Variants in ERCC6 observed in about 807,000 individuals in gnomAD.
ERCC6 encodes the protein ERCC excision repair 6, chromatin remodeling factor.
ERCC6 carries 116 observed loss-of-function variants against 158.7 expected under a neutral mutation model. The ratio of observed to expected loss-of-function variants is 0.73; its 90% CI spans 0.63 to 0.85. ERCC6 has a LOEUF of 0.85. Ranked by LOEUF, ERCC6 falls within the 40% of genes least tolerant of loss-of-function variation. The pLI is 0.00. For missense variants in ERCC6, 1,698 were observed against 1,799.4 expected (o/e 0.94, Z 1.02); for synonymous variants, 678 against 659.3 (o/e 1.03, Z -0.43).
chr10:49,503,227 A>T (rs971276990), intron 6 of ERCC6: 4 of 152,168 alleles, frequency 2.6e-5, no homozygotes, highest in African/African-American at 9.7e-5. Flanking sequence ...ACAGCATAGG[A>T]TCCCAAAAGG....
rs2132541878 is a variant in ERCC6 at position 49,474,162 on chromosome 10, A to T, written c.2463T>A (p.Gly821=). The T allele has an allele frequency of 6.2e-7, 1 of 1,614,108 alleles. No individual in the cohort carries two copies. Among genetic ancestry groups the T allele is most frequent in the Non-Finnish European group, 8.5e-7 (1 of 1,180,004 alleles). Residue 821 remains glycine, a synonymous_variant, in exon 13 of 21, where the codon GGT becomes GGA. Coordinates refer to ENST00000355832, the MANE Select transcript of ERCC6 (RefSeq NM_000124.4). ...CTTCTTCTAGTTCATCATCAGGAAGACCTTTGAGATTCTTGGGACCTCCAG... is the reference window on the plus strand; with the variant it reads ...CTTCTTCTAGTTCATCATCAGGAAGTCCTTTGAGATTCTTGGGACCTCCAG... The part of the protein sequence containing the change: ...LFSGGPKNLK[G]LPDDELEEDQ...
the ERCC6 span, among the ~76,000 whole-genome samples, chr10:49,447,756 C>T: frequency 6.6e-6 from 1 of 151,596 alleles, no homozygotes; most frequent in Non-Finnish European, 1.5e-5. Flanking sequence ...CCACCCCAGC[C>T]TCTCACAACC....
chr10:49,525,034 T>A, intron 4 of ERCC6: 1 of 761,884 alleles, frequency 1.3e-6, no homozygotes, highest in Non-Finnish European at 2.0e-6. Flanking sequence ...ATATACTCTC[T>A]GCCATCCAAA....
chr10:49,444,484 A>G, the ERCC6 span, among the ~76,000 whole-genome samples: 1 of 152,220 alleles, frequency 6.6e-6, no homozygotes, highest in African/African-American at 2.4e-5. Flanking sequence ...TATATCCTAT[A>G]TTTTAGGAGA....
intron 5 of ERCC6, among the ~76,000 whole-genome samples, chr10:49,514,918 T>C (rs946001589): frequency 6.6e-6 from 1 of 152,168 alleles, no homozygotes; most frequent in Non-Finnish European, 1.5e-5. Context: ...TAAACTTAAT[T>C]GGCAAATCTG....
intron 11 of ERCC6, among the ~76,000 whole-genome samples, chr10:49,477,088 C>T (rs1215180710): frequency 1.3e-5 from 2 of 152,164 alleles, no homozygotes; most frequent in Non-Finnish European, 2.9e-5. Context: ...CGCCCAGCAT[C>T]TTCCACAAGC....
In ERCC6 at chr10:49,482,828, T is replaced by C. The variant is rs1291297571; in HGVS notation, c.2028A>G (p.Ser676=). ...GCTCTCGGAGGTTATTTTGCATCGG[T>C]GAGCCAGACAGAATGATCCGATGAG... ...RTPHRIILSG[S]PMQNNLRELW... is the part of the protein sequence containing the mutation. Residue 676 remains serine (S), a synonymous_variant, in exon 10 of 21, where the codon TCA becomes TCG. Transcript: ENST00000355832. 1 of 1,614,096 alleles carries C rather than the reference T, an allele frequency of 6.2e-7. No homozygotes were observed. Among genetic ancestry groups the C allele is most frequent in the Non-Finnish European group, 8.5e-7 (1 of 1,180,012 alleles).
chr10:49,477,155 A>C (rs1173957001), intron 11 of ERCC6, among the ~76,000 whole-genome samples: 1 of 152,096 alleles, frequency 6.6e-6, no homozygotes, highest in African/African-American at 2.4e-5. Flanking sequence ...CTCTGTCTCA[A>C]CTTCTACTTA....
chr10:49,532,375 G>C (rs1180315943), intron 2 of ERCC6, among the ~76,000 whole-genome samples, 168 bp downstream of exon 2: 1 of 152,134 alleles, frequency 6.6e-6, no homozygotes, highest in Non-Finnish European at 1.5e-5. Context: ...TAAGGGGAAG[G>C]GCTGGGACTC....
chr10:49,479,326 GAAA>G (rs1035083387), intron 10 of ERCC6, among the ~76,000 whole-genome samples: 1 of 151,592 alleles, frequency 6.6e-6, no homozygotes, highest in East Asian at 1.9e-4. Flanking sequence ...CACACACACA[GAAA>G]AAAAAGTTAA....
In ERCC6 at chr10:49,454,506, A is replaced by G. The variant is rs1329700929; in HGVS notation, c.*4309T>C. On this transcript the variant is annotated 3_prime_UTR_variant, in exon 21 of 21. Transcript: ENST00000355832. ...TTGAATAAGCGTTACTTTATTCTAC[A>G]TGCTTTTAGGACAATTTCCAGTGGC... is the stretch of plus-strand genomic sequence containing the variant. Among the ~76,000 whole-genome samples the G allele has an allele frequency of 4.6e-5, 7 of 152,314 alleles. No individual in the cohort carries two copies. In the East Asian group the frequency reaches 1.2e-3, roughly 25 times the overall value.
At chr10:49,447,315 AC>A in the ERCC6 span, among the ~76,000 whole-genome samples, 1 of 152,248 alleles carries the variant, frequency 6.6e-6, no homozygotes, top group African/African-American at 2.4e-5. Context: ...TAGTACATTC[AC>A]AATGTTGTGC....
intron 1 of ERCC6, among the ~76,000 whole-genome samples, chr10:49,535,674 A>T (rs1837579239): frequency 6.6e-6 from 1 of 152,254 alleles, no homozygotes; most frequent in African/African-American, 2.4e-5. Flanking sequence ...TCTGTAAAAT[A>T]ATATCAAAAA....
At chr10:49,472,792 A>G in intron 15 of ERCC6, 117 bp downstream of exon 15, 6 of 1,270,740 alleles carry the variant, frequency 4.7e-6, no homozygotes, top group Non-Finnish European at 6.6e-6. Context: ...ACAGGAGACA[A>G]TCAAAATGTG....
At chr10:49,534,118 A>C (rs1289146968) in intron 1 of ERCC6, among the ~76,000 whole-genome samples, 2 of 123,482 alleles carry the variant, frequency 1.6e-5, no homozygotes, top group Non-Finnish European at 3.2e-5. Context: ...TAGGCAACAG[A>C]GTGAGACTCA....
intron 5 of ERCC6, chr10:49,515,534 A>AG: frequency 6.2e-7 from 1 of 1,614,148 alleles, no homozygotes; most frequent in Non-Finnish European, 8.5e-7. Context: ...GAGGATGACC[A>AG]TGGGTCTCCA....
chr10:49,501,493 T>G (rs193227613), intron 6 of ERCC6: 1 of 152,298 alleles, frequency 6.6e-6, no homozygotes, highest in African/African-American at 2.4e-5. Flanking sequence ...CAGAAGTTGA[T>G]ATTTTTCTTT....
intron 7 of ERCC6, among the ~76,000 whole-genome samples, chr10:49,497,274 A>C (rs971997973): frequency 1.3e-5 from 2 of 152,262 alleles, no homozygotes; most frequent in African/African-American, 2.4e-5. Flanking sequence ...TCTATCCTCC[A>C]AGGGGAATAA....
chr10:49,448,809 T>C, the ERCC6 span, among the ~76,000 whole-genome samples: 1 of 152,230 alleles, frequency 6.6e-6, no homozygotes, highest in Non-Finnish European at 1.5e-5. Context: ...AGTGTATCCG[T>C]CCTTCATTGC....
Sources: gnomAD v4.1 joint callset for allele counts (sites outside exome capture counted in the v4.1 genomes callset) on GRCh38, gnomAD v4.1.1 for gene constraint, MANE v1.5 for transcripts, NCBI Gene and HGNC (gene_info 2026-07-23, HGNC 2026-07-21) for gene names.